SFRP1: variants seen among roughly 807,000 people sequenced by gnomAD.
The protein encoded by SFRP1 is secreted frizzled-related protein 1.
In SFRP1, 9 loss-of-function variants were observed where a neutral mutation model predicts 25.9. The ratio of observed to expected loss-of-function variants is 0.35; its 90% CI spans 0.21 to 0.61. The LOEUF (loss-of-function observed/expected upper bound fraction) is 0.61. Among genes scored for constraint, SFRP1 ranks in the 20% least tolerant of loss-of-function variants. The pLI, the probability that SFRP1 is intolerant of heterozygous loss-of-function variation, is 0.78. For missense variants in SFRP1, 346 were observed against 418.2 expected, an observed-to-expected ratio of 0.83 and a Z score of 1.51; for synonymous variants, 178 against 174.0, an observed-to-expected ratio of 1.02 and a Z score of -0.18.
At chr8:41,287,386 G>A (rs1213488876) in intron 2 of SFRP1, among the ~76,000 whole-genome samples, 3 of 152,220 alleles carry the variant, frequency 2.0e-5, no homozygotes, top group Non-Finnish European at 2.9e-5. Flanking sequence ...AAGCGATGCT[G>A]AGCGCTCATT....
Position 41,265,551 on chromosome 8 carries a change from T to G in SFRP1, c.623-62A>C, listed in dbSNP as rs186956601. 601 of 1,225,764 alleles carry G rather than the reference T, an allele frequency of 4.9e-4. 9 individuals are homozygous for G. Among genetic ancestry groups the G allele is most frequent in the South Asian group, 2.4e-3 (147 of 62,392 alleles). The allele number at this position is 1,225,764 out of a possible 1,614,324, so 75.9% of individuals were successfully genotyped here. A position where few individuals can be genotyped will look rare whatever the true frequency, so the allele number is the denominator to read the frequency against. On this transcript the variant is annotated intron_variant, in intron 2 of 2. Transcript: ENST00000220772. ...TAAGAGAAAGCATTTAGAACACAGC[T>G]TTTCTTTTTTTGATCCTCAAAGTGA...
chr8:41,285,967 G>A (rs1803695708), intron 2 of SFRP1, among the ~76,000 whole-genome samples: 1 of 150,902 alleles, frequency 6.6e-6, no homozygotes, highest in Non-Finnish European at 1.5e-5. Flanking sequence ...CTCCATGGGA[G>A]GAACAGGCAA....
At chr8:41,267,118 A>C (rs1424645974) in intron 2 of SFRP1, among the ~76,000 whole-genome samples, 1 of 152,238 alleles carries the variant, frequency 6.6e-6, no homozygotes, top group African/African-American at 2.4e-5. Flanking sequence ...GTTCTGGTGA[A>C]GTCCTAATTG....
chr8:41,306,077 G>A (rs1244424705), intron 1 of SFRP1, among the ~76,000 whole-genome samples: 1 of 150,768 alleles, frequency 6.6e-6, no homozygotes, highest in Non-Finnish European at 1.5e-5. Flanking sequence ...CAGTTCTAAT[G>A]GAAGTGCCAA....
At chr8:41,300,186 C>A (rs191997497) in intron 2 of SFRP1, among the ~76,000 whole-genome samples, 1 of 152,128 alleles carries the variant, frequency 6.6e-6, no homozygotes, top group African/African-American at 2.4e-5. Flanking sequence ...TACGGAGGTG[C>A]GGGAAACTGA....
At chr8:41,281,346 G>A (rs1490705229) in intron 2 of SFRP1, among the ~76,000 whole-genome samples, 5 of 152,246 alleles carry the variant, frequency 3.3e-5, no homozygotes, top group Non-Finnish European at 5.9e-5. Context: ...TTTGCCAGTG[G>A]AGTGGGAGTG....
At chr8:41,303,903 C>T (rs1033234327) in intron 1 of SFRP1, among the ~76,000 whole-genome samples, 5 of 152,132 alleles carry the variant, frequency 3.3e-5, no homozygotes, top group African/African-American at 1.2e-4. Flanking sequence ...GTTTCCCATC[C>T]TCTCCCTTCT....
intron 2 of SFRP1, among the ~76,000 whole-genome samples, chr8:41,299,208 C>T (rs544402115): frequency 8.6e-5 from 13 of 150,502 alleles, no homozygotes; most frequent in East Asian, 6.0e-4. Context: ...CAGGTTTTTA[C>T]GCACATAAAA....
chr8:41,296,174 C>T (rs1009315079), intron 2 of SFRP1, among the ~76,000 whole-genome samples: 1 of 152,234 alleles, frequency 6.6e-6, no homozygotes, highest in Non-Finnish European at 1.5e-5. Context: ...GCAGGCCAGA[C>T]CCCATACACA....
At chr8:41,292,666 T>C (rs576982104) in intron 2 of SFRP1, among the ~76,000 whole-genome samples, 3 of 152,306 alleles carry the variant, frequency 2.0e-5, no homozygotes, top group African/African-American at 7.2e-5. Context: ...TCAACACTTC[T>C]GTCTACACAG....
At chr8:41,305,989 C>T (rs772444389) in intron 1 of SFRP1, among the ~76,000 whole-genome samples, 21 of 152,200 alleles carry the variant, frequency 1.4e-4, no homozygotes, top group Admixed American at 5.2e-4. Flanking sequence ...AAATCAAACC[C>T]AATGTGCTGG....
chr8:41,271,915 T>A (rs1803514184), intron 2 of SFRP1, among the ~76,000 whole-genome samples: 1 of 152,028 alleles, frequency 6.6e-6, no homozygotes. Context: ...CAGTGAGCTA[T>A]GACTGCACCC....
intron 2 of SFRP1, among the ~76,000 whole-genome samples, chr8:41,297,677 A>G (rs9693456): frequency 0.64 from 96,908 of 151,864 alleles, 31,448 homozygotes; most frequent in African/African-American, 0.76. Context: ...GGCTCAGGGA[A>G]GTTAAGAGAC....
rs563465578 is a variant in SFRP1, at chr8:41,267,308, C to T, written c.623-1819G>A. 2.6e-5 allele frequency among the ~76,000 whole-genome samples: 4 copies of T among 152,328 alleles called. No homozygotes were observed. In the South Asian group the frequency reaches 8.3e-4, roughly 32 times the overall value. On this transcript the variant is annotated intron_variant, in intron 2 of 2. Transcript: ENST00000220772. ...TGAGCCACATCCTGTAGCAATGACTCCACAGGGGCTGCTGATGAAGATAAA... is the reference window on the plus strand; with the variant it reads ...TGAGCCACATCCTGTAGCAATGACTTCACAGGGGCTGCTGATGAAGATAAA...
At position 41,309,026 on chromosome 8, in the gene SFRP1, G is replaced by A. The variant is rs772267698; in HGVS notation, c.134C>T (p.Pro45Leu). The change falls in exon 1 of 3, where the codon CCG becomes CTG. Residue 45 changes from proline to leucine, a missense_variant. Coordinates refer to ENST00000220772, the MANE Select transcript of SFRP1 (RefSeq NM_003012.5). ...GGTGTAGAAGCGCCCGCTCTGGTAC[G>A]GGCCGATGTCCGACTGGAAGCTCAC... is the stretch of plus-strand genomic sequence containing the variant. ...DYVSFQSDIGPYQSGRFYTKP... is the reference protein window; with the variant it reads ...DYVSFQSDIGLYQSGRFYTKP... 30 of 1,609,928 alleles carry A rather than the reference G, an allele frequency of 1.9e-5. No individual in the cohort carries two copies. Among genetic ancestry groups the A allele is most frequent in the African/African-American group, 2.7e-5 (2 of 74,924 alleles).
chr8:41,273,704 T>C (rs1339427869), intron 2 of SFRP1, among the ~76,000 whole-genome samples: 3 of 152,106 alleles, frequency 2.0e-5, no homozygotes, highest in Non-Finnish European at 4.4e-5. Context: ...AGGCTTAGGA[T>C]GGTTTTTCCC....
At chr8:41,280,755 C>T (rs931350222) in intron 2 of SFRP1, among the ~76,000 whole-genome samples, 2 of 152,162 alleles carry the variant, frequency 1.3e-5, no homozygotes, top group East Asian at 3.9e-4. Context: ...GGACAAACAG[C>T]CCCAGCCCTA....
At chr8:41,269,579 AT>A (rs1383771997) in intron 2 of SFRP1, among the ~76,000 whole-genome samples, 1 of 152,186 alleles carries the variant, frequency 6.6e-6, no homozygotes, top group Non-Finnish European at 1.5e-5. Context: ...TGAGGAAGTC[AT>A]CACACACCAT....
intron 2 of SFRP1, among the ~76,000 whole-genome samples, chr8:41,272,380 G>A (rs143975663): frequency 0.011 from 1,709 of 152,336 alleles, 32 homozygotes; most frequent in African/African-American, 0.039. Context: ...CAAGGCAGGT[G>A]GATCACTTGG....
Sources: gnomAD v4.1 joint callset for allele counts (sites outside exome capture counted in the v4.1 genomes callset) on GRCh38, gnomAD v4.1.1 for gene constraint, MANE v1.5 for transcripts, NCBI Gene and HGNC (gene_info 2026-07-23, HGNC 2026-07-21) for gene names.